Variants in NFILZ observed in about 807,000 individuals in gnomAD.
The protein encoded by NFILZ is NFIL3 like basic leucine zipper.
intron 3 of NFILZ, among the ~76,000 whole-genome samples, chr19:8,673,560 C>T (rs1391421934): frequency 6.6e-6 from 1 of 152,182 alleles, no homozygotes; most frequent in Admixed American, 6.5e-5. Context: ...AGAGTTGGTC[C>T]TGGACTTGGG....
At chr19:8,633,021 CTTT>C (rs140247462) in intron 2 of NFILZ, among the ~76,000 whole-genome samples, 2 of 118,482 alleles carry the variant, frequency 1.7e-5, no homozygotes, top group Non-Finnish European at 3.2e-5. Context: ...CTGCACCTGC[CTTT>C]TTTTTTTTTT....
chr19:8,641,813 C>T (rs1555746695), intron 3 of NFILZ, among the ~76,000 whole-genome samples: 1 of 149,368 alleles, frequency 6.7e-6, no homozygotes, highest in Admixed American at 6.8e-5. Context: ...AGAACCAATG[C>T]CTTAATAAAT....
intron 3 of NFILZ, among the ~76,000 whole-genome samples, 145 bp from the exon 4 acceptor site, chr19:8,674,403 CTTT>C (rs2043101937): frequency 6.6e-6 from 1 of 152,128 alleles, no homozygotes; most frequent in Non-Finnish European, 1.5e-5. Flanking sequence ...TGATTTTCTT[CTTT>C]TGTCTACCTT....
intron 3 of NFILZ, among the ~76,000 whole-genome samples, chr19:8,665,669 G>A (rs1466077015): frequency 6.6e-6 from 1 of 152,130 alleles, no homozygotes; most frequent in Non-Finnish European, 1.5e-5. Flanking sequence ...TGCTTTGCCA[G>A]GAAGCAAGGT....
At chr19:8,661,779 C>A (rs1345500470) in intron 3 of NFILZ, among the ~76,000 whole-genome samples, 1 of 152,110 alleles carries the variant, frequency 6.6e-6, no homozygotes, top group Non-Finnish European at 1.5e-5. Context: ...GTAATCCCAG[C>A]TACCCGGGAG....
chr19:8,632,311 T>C (rs2042874223), intron 1 of NFILZ, among the ~76,000 whole-genome samples, 165 bp from the exon 2 acceptor site: 1 of 151,808 alleles, frequency 6.6e-6, no homozygotes, highest in Admixed American at 6.6e-5. Context: ...TGTCAGAGAC[T>C]TGTGAACCAG....
intron 3 of NFILZ, among the ~76,000 whole-genome samples, chr19:8,655,606 C>T (rs371676335): frequency 3.5e-4 from 53 of 152,242 alleles, no homozygotes; most frequent in African/African-American, 1.2e-3. Flanking sequence ...TGGGACTCAC[C>T]GGGGAGACAG....
chr19:8,661,814 C>G (rs2043033112), intron 3 of NFILZ, among the ~76,000 whole-genome samples: 1 of 152,094 alleles, frequency 6.6e-6, no homozygotes, highest in Admixed American at 6.5e-5. Flanking sequence ...ATCGCTTGAA[C>G]CCAGAGGTTG....
intron 3 of NFILZ, among the ~76,000 whole-genome samples, chr19:8,663,387 G>A (rs1477437573): frequency 2.7e-5 from 4 of 149,032 alleles, no homozygotes; most frequent in Non-Finnish European, 6.0e-5. Flanking sequence ...GCTGGTGGCA[G>A]TGGGGGATGG....
At chr19:8,663,771 T>TGTGG in intron 3 of NFILZ, among the ~76,000 whole-genome samples, 1 of 148,452 alleles carries the variant, frequency 6.7e-6, no homozygotes, top group Middle Eastern at 3.2e-3. Context: ...TGTGTGTGTG[T>TGTGG]ATGTATGTGT....
chr19:8,663,768 G>GTGTA (rs1455616558), intron 3 of NFILZ, among the ~76,000 whole-genome samples: 2 of 146,262 alleles, frequency 1.4e-5, no homozygotes, highest in African/African-American at 5.3e-5. Flanking sequence ...GTGTGTGTGT[G>GTGTA]TGTATGTATG....
chr19:8,657,156 T>C (rs1393720469), intron 3 of NFILZ, among the ~76,000 whole-genome samples: 1 of 151,936 alleles, frequency 6.6e-6, no homozygotes, highest in Non-Finnish European at 1.5e-5. Context: ...CGATTGCTTT[T>C]TTTTTTTGAG....
At chr19:8,655,428 G>C (rs1555748232) in intron 3 of NFILZ, among the ~76,000 whole-genome samples, 1 of 152,182 alleles carries the variant, frequency 6.6e-6, no homozygotes, top group African/African-American at 2.4e-5. Context: ...TGATGTCCCT[G>C]AGTCTGGGCC....
chr19:8,638,936 C>T (rs560914291), intron 3 of NFILZ, among the ~76,000 whole-genome samples: 9 of 151,680 alleles, frequency 5.9e-5, no homozygotes, highest in East Asian at 3.9e-4. Context: ...CTCTGCCTCC[C>T]GGGTTCAAGG....
rs183135915 is a variant in NFILZ, at chr19:8,644,961, C to T, written c.-164+9215C>T. Among the ~76,000 whole-genome samples the T allele has an allele frequency of 6.7e-3, 1,018 of 151,912 alleles. 18 individuals carry two copies. The highest frequency in any genetic ancestry group is 0.023 in the African/African-American group (963 of 41,386). On this transcript the variant is annotated intron_variant, in intron 3 of 5. Transcript: ENST00000691075. ...TGTATTTTTAGTAGAGATGGGGTTT[C>T]GCCATGTTGGTCAGGCTGGTCTCGA...
At chr19:8,637,949 A>C (rs1377887764) in intron 3 of NFILZ, among the ~76,000 whole-genome samples, 3 of 151,082 alleles carry the variant, frequency 2.0e-5, no homozygotes, top group Non-Finnish European at 4.4e-5. Context: ...AGAACAGAAA[A>C]AGAAAAACAA....
chr19:8,656,498 G>A (rs1259192672), intron 3 of NFILZ, among the ~76,000 whole-genome samples: 3 of 25,778 alleles, frequency 1.2e-4, no homozygotes, highest in Non-Finnish European at 3.5e-4. Flanking sequence ...ACCTTCTCCC[G>A]CAGCCCACCT....
At chr19:8,636,864 T>A (rs2042897157) in intron 3 of NFILZ, among the ~76,000 whole-genome samples, 1 of 152,110 alleles carries the variant, frequency 6.6e-6, no homozygotes, top group African/African-American at 2.4e-5. Context: ...AGTTTTGGGA[T>A]TACAGGCATT....
rs2043125849 is a variant in NFILZ at position 8,678,153 on chromosome 19, C to CCTTT, written c.*519_*520insTTTC. 8.0e-4 allele frequency among the ~76,000 whole-genome samples: 8 copies of CCTTT among 10,018 alleles called. No homozygotes were observed. Among genetic ancestry groups the CCTTT allele is most frequent in the South Asian group, 3.4e-3 (1 of 298 alleles). The allele number at this position is 10,018 out of a possible 152,430, so 6.6% of individuals were successfully genotyped here. ...TCCATCCATTCATCCACTTGTCCGT[C>CCTTT]CATCCATCCATCCATCCATCCATCC... is the stretch of plus-strand genomic sequence containing the variant. On this transcript the variant is annotated 3_prime_UTR_variant, in exon 6 of 6. Transcript: ENST00000691075.
Sources: allele counts gnomAD v4.1 joint callset (sites outside exome capture counted in the v4.1 genomes callset), GRCh38; gene constraint gnomAD v4.1.1; transcripts MANE v1.5; gene names NCBI Gene and HGNC (gene_info 2026-07-23, HGNC 2026-07-21).